The following DOCK11 variants were observed in gnomAD, a reference collection of about 807,000 sequenced individuals.
DOCK11 encodes dedicator of cytokinesis protein 11.
In DOCK11, 70 loss-of-function variants were observed where a neutral mutation model predicts 169.1. The observed-to-expected ratio is 0.41, with a 90% confidence interval of 0.34 to 0.51. The LOEUF (loss-of-function observed/expected upper bound fraction) is 0.51, where lower values mean the gene tolerates loss of function less well. Ranked by LOEUF, DOCK11 falls within the 20% of genes least tolerant of loss-of-function variation. The pLI, the probability that DOCK11 is intolerant of heterozygous loss-of-function variation, is 0.10. For missense variants in DOCK11, 1,166 were observed against 1,538.8 expected, an observed-to-expected ratio of 0.76 and a Z score of 4.05; for synonymous variants, 529 against 541.3, an observed-to-expected ratio of 0.98 and a Z score of 0.32.
At chrX:118,621,954 T>C (rs897258313) in intron 31 of DOCK11, among the ~76,000 whole-genome samples, 3 of 111,411 alleles carry the variant, frequency 2.7e-5, no homozygotes, top group Non-Finnish European at 3.8e-5. Context: ...TTGTTATAAT[T>C]ACCATGAGAC....
chrX:118,526,737 A>G (rs1470417636), intron 1 of DOCK11, among the ~76,000 whole-genome samples: 1 of 112,282 alleles, frequency 8.9e-6, no homozygotes, highest in Admixed American at 9.4e-5. Context: ...AAACATTTCA[A>G]TTGGCTTTTC....
intron 45 of DOCK11, among the ~76,000 whole-genome samples, chrX:118,670,550 AC>A (rs1233621610): frequency 2.7e-5 from 3 of 111,765 alleles, no homozygotes; most frequent in Admixed American, 9.6e-5. Context: ...ATTTAAAAAA[AC>A]ATCGAATCAT....
chrX:118,576,129 C>G (rs187421766), intron 12 of DOCK11, among the ~76,000 whole-genome samples: 1 of 111,967 alleles, frequency 8.9e-6, no homozygotes, highest in Admixed American at 9.5e-5. Context: ...ATAATTTGAT[C>G]AAGAATATTA....
intron 11 of DOCK11, among the ~76,000 whole-genome samples, chrX:118,573,516 A>G (rs759901316): frequency 8.0e-5 from 9 of 112,449 alleles, no homozygotes; most frequent in Non-Finnish European, 1.7e-4. Context: ...TCATAGAACA[A>G]TTTGTGTTAT....
chrX:118,584,307 A>G (rs972130961), intron 14 of DOCK11, among the ~76,000 whole-genome samples: 5 of 112,220 alleles, frequency 4.5e-5, no homozygotes, highest in African/African-American at 1.6e-4. Flanking sequence ...ATCATGCAGT[A>G]TGTCCTCTGA....
intron 4 of DOCK11, among the ~76,000 whole-genome samples, chrX:118,544,993 AAGG>A (rs2012209767): frequency 9.2e-6 from 1 of 108,959 alleles, no homozygotes; most frequent in African/African-American, 3.3e-5. Context: ...TGACCCGGGG[AAGG>A]AGAAGTTCTG....
intron 30 of DOCK11, chrX:118,616,086 T>A (rs773085787): frequency 8.8e-5 from 34 of 385,823 alleles, no homozygotes; most frequent in Non-Finnish European, 1.2e-4. Flanking sequence ...GTGCTAAATT[T>A]ATGAAATGCC....
chrX:118,641,988 A>T (rs536465628), intron 39 of DOCK11, among the ~76,000 whole-genome samples: 6 of 110,678 alleles, frequency 5.4e-5, no homozygotes, highest in Non-Finnish European at 9.4e-5. Context: ...GAGATTTTCT[A>T]TGGAAACCTG....
At chrX:118,664,794 C>T (rs1378984228) in intron 45 of DOCK11, among the ~76,000 whole-genome samples, 1 of 111,432 alleles carries the variant, frequency 9.0e-6, no homozygotes, top group Non-Finnish European at 1.9e-5. Context: ...GAATCAAGGA[C>T]TGAACCATGG....
intron 40 of DOCK11, among the ~76,000 whole-genome samples, chrX:118,648,297 C>T (rs980758617): frequency 6.1e-4 from 54 of 88,953 alleles, no homozygotes; most frequent in Non-Finnish European, 1.0e-3. Context: ...ACTTTTGCAC[C>T]GCCATAATAC....
At chrX:118,579,103 G>A (rs771119575) in intron 13 of DOCK11, among the ~76,000 whole-genome samples, 13 of 112,183 alleles carry the variant, frequency 1.2e-4, no homozygotes, top group Admixed American at 3.8e-4. Context: ...AATTCAAAGG[G>A]CTGCCCTTTA....
intron 35 of DOCK11, among the ~76,000 whole-genome samples, chrX:118,634,899 G>T (rs894168844): frequency 2.7e-5 from 3 of 110,171 alleles, no homozygotes; most frequent in African/African-American, 9.9e-5. Flanking sequence ...ACTAATTTTT[G>T]TATTTTTAGT....
intron 41 of DOCK11, 23 bp downstream of exon 41, chrX:118,649,150 C>A (rs1427644085): frequency 1.8e-6 from 2 of 1,119,972 alleles, no homozygotes; most frequent in African/African-American, 3.7e-5. Context: ...AAAAGCGCCT[C>A]TTCATCTTTC....
intron 1 of DOCK11, among the ~76,000 whole-genome samples, chrX:118,515,254 A>G (rs1355774029): frequency 8.9e-6 from 1 of 111,836 alleles, no homozygotes; most frequent in African/African-American, 3.3e-5. Flanking sequence ...GTTTTTTGAG[A>G]TGGAGTTTCG....
At chrX:118,647,464 C>T (rs1219119484) in intron 40 of DOCK11, among the ~76,000 whole-genome samples, 3 of 78,901 alleles carry the variant, frequency 3.8e-5, no homozygotes, top group African/African-American at 1.4e-4. Flanking sequence ...TGGCAAAAAC[C>T]GCAATTACTT....
At chrX:118,658,475 C>T (rs905786609) in intron 44 of DOCK11, among the ~76,000 whole-genome samples, 2 of 111,818 alleles carry the variant, frequency 1.8e-5, no homozygotes, top group South Asian at 7.5e-4. Flanking sequence ...AAGGTGACTG[C>T]ACAGCACCCA....
rs2013574420 is a variant in DOCK11, at chrX:118,580,019, G to A, written c.1513-78G>A. 7 of 848,977 alleles carry A rather than the reference G, an allele frequency of 8.2e-6. No homozygotes were observed. In the South Asian group the frequency reaches 1.7e-4, roughly 21 times the overall value. The allele number at this position is 848,977 out of a possible 1,213,427, so 70.0% of individuals were successfully genotyped here. A position where few individuals can be genotyped will look rare whatever the true frequency, so the allele number is the denominator to read the frequency against. ...GATTTTTGATGTTTTGTAATGGTAG[G>A]TTGGGGAAATTATTTTTCTGGGTGG... is the stretch of plus-strand genomic sequence containing the variant. On this transcript the variant is annotated intron_variant, in intron 13 of 52. Coordinates refer to ENST00000276202, the MANE Select transcript of DOCK11 (RefSeq NM_144658.4).
intron 10 of DOCK11, among the ~76,000 whole-genome samples, chrX:118,568,891 C>T (rs1442149154): frequency 4.5e-5 from 5 of 110,871 alleles, no homozygotes; most frequent in Non-Finnish European, 9.5e-5. Context: ...TTGAGGAAGA[C>T]GAAATTTTTT....
At position 118,675,968 on chromosome X, in the gene DOCK11, A is replaced by G; in HGVS notation, c.5232A>G (p.Gly1744=). 8.4e-7 allele frequency: 1 copy of G among 1,196,599 alleles called. No individual in the cohort carries two copies. The highest frequency in any genetic ancestry group is 1.8e-5 in the African/African-American group (1 of 57,026). The change falls in exon 47 of 53, where the codon GGA becomes GGG. Residue 1744 remains glycine, a synonymous_variant. Transcript: ENST00000276202. ...CTCAAGTTTATAGAACTCTTCATGG[A>G]GCTTACACAAAAATTCTGGAAGTTA... The part of the protein sequence containing the change: ...KLTQVYRTLH[G]AYTKILEVMH...
Sources: gnomAD v4.1 joint callset for allele counts (sites outside exome capture counted in the v4.1 genomes callset) on GRCh38, gnomAD v4.1.1 for gene constraint, MANE v1.5 for transcripts, NCBI Gene and HGNC (gene_info 2026-07-23, HGNC 2026-07-21) for gene names.